The following QTMAN variants were observed in gnomAD, a reference collection of about 807,000 sequenced individuals.
The protein encoded by QTMAN is queuosine-tRNA mannosyltransferase.
the QTMAN span, among the ~76,000 whole-genome samples, chr2:144,000,622 T>C: frequency 1.3e-5 from 2 of 152,020 alleles, no homozygotes; most frequent in Non-Finnish European, 2.9e-5. Flanking sequence ...ATTTGTCTTA[T>C]AACCTTATAA....
At chr2:144,036,692 A>AT in the QTMAN span, among the ~76,000 whole-genome samples, 2 of 152,186 alleles carry the variant, frequency 1.3e-5, no homozygotes, top group Non-Finnish European at 2.9e-5. Context: ...CAGTAACATT[A>AT]TATTTTAAAG....
At chr2:144,182,325 CTTA>C in the QTMAN span, among the ~76,000 whole-genome samples, 87 of 152,090 alleles carry the variant, frequency 5.7e-4, no homozygotes, top group East Asian at 0.016. Flanking sequence ...GTATGTGTGA[CTTA>C]AAAGCTTCCT....
the QTMAN span, among the ~76,000 whole-genome samples, chr2:144,143,267 T>A: frequency 6.6e-6 from 1 of 151,940 alleles, no homozygotes; most frequent in African/African-American, 2.4e-5. Flanking sequence ...TATACAAGAT[T>A]AAAGGGATAA....
At chr2:144,022,976 ATTT>A in the QTMAN span, among the ~76,000 whole-genome samples, 16 of 152,104 alleles carry the variant, frequency 1.1e-4, no homozygotes, top group Non-Finnish European at 1.6e-4. Context: ...TTTATGGTCT[ATTT>A]TTTATTTCTC....
At chr2:143,950,332 CTGTT>C in the QTMAN span, among the ~76,000 whole-genome samples, 7 of 151,598 alleles carry the variant, frequency 4.6e-5, no homozygotes, top group East Asian at 9.6e-4. Context: ...TTTTCAGAAG[CTGTT>C]TGTAAAATAA....
chr2:144,027,612 G>T, the QTMAN span, among the ~76,000 whole-genome samples: 1 of 152,192 alleles, frequency 6.6e-6, no homozygotes, highest in African/African-American at 2.4e-5. Context: ...GCACACATAA[G>T]GTAGAGGAGG....
chr2:144,242,436 C>A, the QTMAN span, among the ~76,000 whole-genome samples: 1 of 152,098 alleles, frequency 6.6e-6, no homozygotes, highest in Non-Finnish European at 1.5e-5. Flanking sequence ...CTAATCCAAC[C>A]AACACTGACT....
At chr2:144,126,576 G>T in the QTMAN span, among the ~76,000 whole-genome samples, 1 of 151,960 alleles carries the variant, frequency 6.6e-6, no homozygotes, top group African/African-American at 2.4e-5. Flanking sequence ...TAGGTTCTTG[G>T]AAAGTACAAT....
At chr2:144,125,446 T>C in the QTMAN span, among the ~76,000 whole-genome samples, 2 of 151,990 alleles carry the variant, frequency 1.3e-5, no homozygotes, top group Admixed American at 6.6e-5. Context: ...CTCAACCCCC[T>C]AGCAATTTTT....
the QTMAN span, among the ~76,000 whole-genome samples, chr2:144,018,980 G>A: frequency 2.0e-5 from 3 of 152,170 alleles, no homozygotes; most frequent in African/African-American, 7.2e-5. Flanking sequence ...GTAACAGCAT[G>A]TGCATAAAGC....
chr2:144,138,733 C>T, the QTMAN span, among the ~76,000 whole-genome samples: 1 of 151,972 alleles, frequency 6.6e-6, no homozygotes, highest in South Asian at 2.1e-4. Context: ...CTTCTGATTG[C>T]TCCTATTTCC....
the QTMAN span, among the ~76,000 whole-genome samples, chr2:144,286,350 A>C: frequency 2.6e-5 from 4 of 152,236 alleles, no homozygotes; most frequent in Non-Finnish European, 5.9e-5. Context: ...ATCTTAGGCT[A>C]TACTCACAGT....
chr2:144,121,150 G>A, the QTMAN span, among the ~76,000 whole-genome samples: 2 of 152,130 alleles, frequency 1.3e-5, no homozygotes, highest in Non-Finnish European at 2.9e-5. Context: ...AATGAGACAT[G>A]GGGTTTTACC....
the QTMAN span, chr2:144,208,478 C>A: frequency 1.3e-6 from 1 of 765,526 alleles, no homozygotes. Context: ...AAAGAAATAT[C>A]TACTATAGTC....
chr2:144,127,997 C>T, the QTMAN span: 1 of 152,042 alleles, frequency 6.6e-6, no homozygotes, highest in Non-Finnish European at 1.5e-5. Context: ...GAAGGATTCA[C>T]CTGATAGCCA....
At chr2:144,014,587 T>G in the QTMAN span, among the ~76,000 whole-genome samples, 1 of 152,110 alleles carries the variant, frequency 6.6e-6, no homozygotes, top group Admixed American at 6.6e-5. Flanking sequence ...AAAGAAAATT[T>G]CTAGTTATCA....
the QTMAN span, among the ~76,000 whole-genome samples, chr2:144,313,876 T>G: frequency 6.6e-6 from 1 of 151,896 alleles, no homozygotes; most frequent in Non-Finnish European, 1.5e-5. Flanking sequence ...AAAAATCATT[T>G]AGTACAAACC....
At chr2:144,311,316 T>C in the QTMAN span, among the ~76,000 whole-genome samples, 12 of 152,234 alleles carry the variant, frequency 7.9e-5, no homozygotes, top group Non-Finnish European at 1.6e-4. Context: ...CTCTACATTT[T>C]ACTGTTTTAA....
chr2:144,154,842 C>T, the QTMAN span, among the ~76,000 whole-genome samples: 2 of 152,162 alleles, frequency 1.3e-5, no homozygotes, highest in Non-Finnish European at 2.9e-5. Context: ...TTTAAAGTTC[C>T]ATTAGGACAG....
Sources: gnomAD v4.1 joint callset for allele counts (sites outside exome capture counted in the v4.1 genomes callset) on GRCh38, gnomAD v4.1.1 for gene constraint, MANE v1.5 for transcripts, NCBI Gene and HGNC (gene_info 2026-07-23, HGNC 2026-07-21) for gene names.